Variants in BIRC6 observed in about 807,000 individuals in gnomAD.
BIRC6 encodes the protein dual E2 ubiquitin-conjugating enzyme/E3 ubiquitin-protein ligase BIRC6.
In BIRC6, 98 loss-of-function variants were observed where a neutral mutation model predicts 503.3. The observed-to-expected ratio is 0.19, with a 90% confidence interval of 0.17 to 0.23. BIRC6 has a LOEUF of 0.23. Ranked by LOEUF, BIRC6 falls within the 10% of genes least tolerant of loss-of-function variation. The pLI, the probability that BIRC6 is intolerant of heterozygous loss-of-function variation, is 1.00. For missense variants in BIRC6, 5,360 were observed against 5,806.0 expected (o/e 0.92, Z 2.50); for synonymous variants, 2,240 against 2,078.7 (o/e 1.08, Z -2.11).
chr2:32,601,779 C>T (rs560097709), intron 70 of BIRC6, among the ~76,000 whole-genome samples: 46 of 152,254 alleles, frequency 3.0e-4, no homozygotes, highest in Non-Finnish European at 6.0e-4. Context: ...AGTTCTCTTC[C>T]TGCTAAGTGA....
chr2:32,369,958 A>ATG, intron 1 of BIRC6, among the ~76,000 whole-genome samples: 1 of 71,020 alleles, frequency 1.4e-5, no homozygotes, highest in South Asian at 6.4e-4. Flanking sequence ...ATATATATAT[A>ATG]TATATATATA....
At chr2:32,393,031 T>C (rs925301779) in intron 5 of BIRC6, among the ~76,000 whole-genome samples, 3 of 152,084 alleles carry the variant, frequency 2.0e-5, no homozygotes, top group African/African-American at 7.2e-5. Flanking sequence ...TTCCAGTGTT[T>C]GACATCTGCA....
chr2:32,530,013 TATAAC>T (rs2056597652), intron 60 of BIRC6, among the ~76,000 whole-genome samples, 189 bp downstream of exon 60: 1 of 152,198 alleles, frequency 6.6e-6, no homozygotes, highest in Non-Finnish European at 1.5e-5. Context: ...CATTATTTCT[TATAAC>T]ATCATTTGTT....
chr2:32,416,279 T>A, intron 10 of BIRC6, 116 bp downstream of exon 10: 1 of 1,110,568 alleles, frequency 9.0e-7, no homozygotes, highest in Non-Finnish European at 1.3e-6. Flanking sequence ...ATTAATTTTT[T>A]TGTAATGAAG....
chr2:32,377,079 TG>T (rs2036896686), intron 1 of BIRC6, among the ~76,000 whole-genome samples: 2 of 152,300 alleles, frequency 1.3e-5, no homozygotes, highest in South Asian at 4.1e-4. Context: ...GTTTTGTTTT[TG>T]AACACTTTCA....
intron 65 of BIRC6, among the ~76,000 whole-genome samples, chr2:32,554,323 A>G (rs1026263989): frequency 6.6e-6 from 1 of 152,278 alleles, no homozygotes; most frequent in Admixed American, 6.5e-5. Flanking sequence ...AATTGCTGTT[A>G]TCTGGGTTAA....
intron 13 of BIRC6, 47 bp downstream of exon 13, chr2:32,433,851 G>A (rs1311710219): frequency 7.2e-7 from 1 of 1,395,584 alleles, no homozygotes; most frequent in East Asian, 2.5e-5. Flanking sequence ...TTTTGTGGTT[G>A]ATTTCTGAAA....
intron 61 of BIRC6, among the ~76,000 whole-genome samples, chr2:32,537,994 T>A (rs1420907033): frequency 2.0e-5 from 3 of 150,752 alleles, no homozygotes; most frequent in Non-Finnish European, 1.5e-5. Flanking sequence ...AAAAAAACAA[T>A]TATTTAAAGG....
At position 32,429,170 on chromosome 2, in the gene BIRC6, T is replaced by C; in HGVS notation, c.2897T>C (p.Ile966Thr). 6.3e-7 allele frequency: 1 copy of C among 1,592,936 alleles called. No homozygotes were observed. Among genetic ancestry groups the C allele is most frequent in the Non-Finnish European group, 8.6e-7 (1 of 1,169,554 alleles). ...TKGGELHFLQIGGTCDDIDEA... is the reference protein window; with the variant it reads ...TKGGELHFLQTGGTCDDIDEA... Reference sequence around the variant, plus strand: ...GGTGGTGAGCTTCATTTTCTCCAAATTGGAGGAACCTGTGATGATATTGAT... The same window carrying C: ...GGTGGTGAGCTTCATTTTCTCCAAACTGGAGGAACCTGTGATGATATTGAT... Residue 966 changes from isoleucine to threonine, a missense_variant, in exon 11 of 74, where the codon ATT (isoleucine) becomes ACT (threonine). Ile to Thr is a moderately conservative substitution (Grantham distance 89). Around this residue, in one of 16 missense-constraint regions of BIRC6, gnomAD observed 700 missense variants for 739.3 expected, o/e 0.95. Coordinates refer to ENST00000421745, the MANE Select transcript of BIRC6 (RefSeq NM_016252.4).
intron 10 of BIRC6, among the ~76,000 whole-genome samples, chr2:32,417,130 C>T (rs1009391376): frequency 6.6e-6 from 1 of 152,020 alleles, no homozygotes; most frequent in Non-Finnish European, 1.5e-5. Context: ...AGCCACCATG[C>T]CAGGCCTTTT....
chr2:32,520,021 T>G (rs2055478855), intron 57 of BIRC6, among the ~76,000 whole-genome samples: 3 of 152,232 alleles, frequency 2.0e-5, no homozygotes, highest in Admixed American at 6.5e-5. Flanking sequence ...AAATGTCTGT[T>G]TGCATTATAA....
At chr2:32,501,936 C>A in intron 47 of BIRC6, 48 bp downstream of exon 47, 1 of 1,492,982 alleles carries the variant, frequency 6.7e-7, no homozygotes, top group African/African-American at 1.4e-5. Flanking sequence ...AAATTTATTG[C>A]GATGTAAGTG....
intron 66 of BIRC6, among the ~76,000 whole-genome samples, chr2:32,581,533 A>G (rs767590581): frequency 5.3e-5 from 8 of 152,204 alleles, no homozygotes; most frequent in Non-Finnish European, 1.0e-4. Flanking sequence ...AAAAAATTAA[A>G]CAAGTTTTTC....
At chr2:32,462,746 A>G (rs965008203) in intron 23 of BIRC6, among the ~76,000 whole-genome samples, 9 of 152,178 alleles carry the variant, frequency 5.9e-5, no homozygotes, top group African/African-American at 2.2e-4. Context: ...ACTTGAGGCC[A>G]GGAGTTCCAG....
intron 22 of BIRC6, among the ~76,000 whole-genome samples, chr2:32,449,422 C>T (rs1296298860): frequency 6.6e-6 from 1 of 152,112 alleles, no homozygotes; most frequent in Non-Finnish European, 1.5e-5. Flanking sequence ...TTTATACTTT[C>T]TAAAGAATGT....
chr2:32,478,373 A>G (rs1032300203), intron 35 of BIRC6, among the ~76,000 whole-genome samples: 4 of 152,100 alleles, frequency 2.6e-5, no homozygotes, highest in African/African-American at 9.7e-5. Flanking sequence ...TAATGTCATG[A>G]TTGCTTTTCT....
At chr2:32,584,195 A>G (rs995821498) in intron 66 of BIRC6, among the ~76,000 whole-genome samples, 1 of 152,132 alleles carries the variant, frequency 6.6e-6, no homozygotes, top group African/African-American at 2.4e-5. Flanking sequence ...TAATATAACG[A>G]GACCCCCATC....
chr2:32,408,258 G>A (rs1448811590), intron 9 of BIRC6, among the ~76,000 whole-genome samples: 1 of 151,994 alleles, frequency 6.6e-6, no homozygotes. Context: ...GTGAGCCACC[G>A]TGCCCGGCCA....
At chr2:32,495,885 T>C (rs897711878) in intron 45 of BIRC6, among the ~76,000 whole-genome samples, 4 of 149,040 alleles carry the variant, frequency 2.7e-5, no homozygotes, top group Non-Finnish European at 4.4e-5. Flanking sequence ...TCACCCAGGC[T>C]GGAGTGCAGT....
Sources: allele counts gnomAD v4.1 joint callset (sites outside exome capture counted in the v4.1 genomes callset), GRCh38; gene constraint gnomAD v4.1.1; regional missense constraint gnomAD v4.1.1; transcripts MANE v1.5; gene names NCBI Gene and HGNC (gene_info 2026-07-23, HGNC 2026-07-21).